PCP2: variants seen among roughly 807,000 people sequenced by gnomAD.
PCP2 encodes the protein Purkinje cell protein 2, also known as Purkinje cell protein 2 homolog.
A neutral mutation model predicts 18.3 loss-of-function variants in PCP2; 21 were observed. The observed-to-expected ratio is 1.14, with a 90% CI of 0.81 to 1.65. The LOEUF is 1.65. Ranked by LOEUF, PCP2 falls within the 40% of genes most tolerant of loss-of-function variation. The pLI, the probability that PCP2 is intolerant of heterozygous loss-of-function variation, is 0.00. For synonymous variants in PCP2, 85 were observed against 77.6 expected (o/e 1.10, Z -0.50); for missense variants, 202 against 201.8 (o/e 1.00, Z 0.00).
intron 1 of PCP2, 198 bp from the exon 2 acceptor site, chr19:7,633,028 C>A: frequency 7.0e-7 from 1 of 1,428,258 alleles, no homozygotes; most frequent in East Asian, 2.5e-5. Flanking sequence ...CGGCCCCCGC[C>A]CCAGGGGCCC....
chr19:7,633,301 G>A lies in PCP2; in HGVS notation c.51+106C>T, dbSNP rs1384898182. On this transcript the variant is annotated intron_variant, in intron 1 of 3. Coordinates refer to ENST00000311069, the MANE Select transcript of PCP2 (RefSeq NM_174895.3). ...TCTACAGCCACAACTGGGTCAGGGG[G>A]TCCTAGGAGACTCACTCGTTAATTA... The A allele has an allele frequency of 4.3e-6, 5 of 1,164,792 alleles. 1 individual carries two copies. The highest frequency in any genetic ancestry group is 2.9e-5 in the South Asian group (2 of 69,602). The allele number at this position is 1,164,792 out of a possible 1,614,324, so 72.2% of individuals were successfully genotyped here.
chr19:7,632,768 C>T lies in PCP2; in HGVS notation c.114G>A (p.Met38Ile). The change falls in exon 2 of 4, where the codon ATG becomes ATA. Residue 38 changes from methionine to isoleucine, a missense_variant. By Grantham distance (10) the Met-to-Ile change is conservative. Transcript: ENST00000311069. This position sits in a 1 kb window ranked among gnomAD's most constrained non-coding sequence, Gnocchi z 5.2. ...NLLSHVQGDR[M>I]EGQRCSLQAG... is the part of the protein sequence containing the mutation. ...CTTGCAGTGAACAGCGCTGTCCCTC[C>T]ATCCGGTCGCCCTGCACGTGGCTCA... The T allele has an allele frequency of 6.4e-7, 1 of 1,568,212 alleles. No individual in the cohort carries two copies. Among genetic ancestry groups the T allele is most frequent in the East Asian group, 2.4e-5 (1 of 42,412 alleles).
Position 7,633,527 on chromosome 19 carries a change from G to C in PCP2, c.-70C>G. The stretch of plus-strand genomic sequence containing the variant: ...CAGTGCCAGAGAGGGCCTTTTAAAC[G>C]TCCAGGACGTGGGGGTGTGGATTCC... On this transcript the variant is annotated 5_prime_UTR_variant, in exon 1 of 4. Transcript: ENST00000311069. 6.8e-7 allele frequency: 1 copy of C among 1,473,716 alleles called. No homozygotes were observed. The highest frequency in any genetic ancestry group is 9.3e-7 in the Non-Finnish European group (1 of 1,077,588). The allele number at this position is 1,473,716 out of a possible 1,614,324, so 91.3% of individuals were successfully genotyped here. A position where few individuals can be genotyped will look rare whatever the true frequency, so the allele number is the denominator to read the frequency against.
chr19:7,631,744 G>A lies in PCP2; in HGVS notation c.356C>T (p.Thr119Ile), dbSNP rs2054084204. 21 of 1,447,812 alleles carry A rather than the reference G, an allele frequency of 1.5e-5. No individual in the cohort carries two copies. Among genetic ancestry groups the A allele is most frequent in the Non-Finnish European group, 1.8e-5 (20 of 1,098,024 alleles). The allele number at this position is 1,447,812 out of a possible 1,614,324, so 89.7% of individuals were successfully genotyped here. The change falls in exon 4 of 4, where the codon ACC becomes ATC. Residue 119 changes from threonine to isoleucine, a missense_variant. Transcript: ENST00000311069. ...PQPLLTPQDP[T>I]ALGFRRNSSP... ...GCTGTTCCGACGGAAGCCGAGAGCG[G>A]TCGGGTCCTGAGGGGTGAGCAGGGG...
chr19:7,632,699 C>A lies in PCP2; in HGVS notation c.166+17G>T. 1 of 1,550,810 alleles carries A rather than the reference C, an allele frequency of 6.4e-7. No homozygotes were observed. Among genetic ancestry groups the A allele is most frequent in the Non-Finnish European group, 8.7e-7 (1 of 1,153,022 alleles). On this transcript the variant is annotated intron_variant, in intron 2 of 3. Coordinates refer to ENST00000311069, the MANE Select transcript of PCP2 (RefSeq NM_174895.3). This position sits in a 1 kb window ranked among gnomAD's most constrained non-coding sequence, Gnocchi z 5.2. ...CCGTTCACGCCCCATGGACAGCACC[C>A]CCGTGCCCATGCTCACGGCTCTTGG...
In PCP2 at chr19:7,632,784, A is replaced by G; in HGVS notation, c.98T>C (p.Val33Ala). 1 of 1,564,998 alleles carries G rather than the reference A, an allele frequency of 6.4e-7. No individual in the cohort carries two copies. The highest frequency in any genetic ancestry group is 8.6e-7 in the Non-Finnish European group (1 of 1,158,210). Residue 33 changes from valine (V) to alanine (A), a missense_variant, in exon 2 of 4, where the codon GTG becomes GCG. Transcript: ENST00000311069. This position sits in a 1 kb window ranked among gnomAD's most constrained non-coding sequence, Gnocchi z 5.2. Reference protein sequence around the residue: ...QEGFFNLLSHVQGDRMEGQRC... With the variant: ...QEGFFNLLSHAQGDRMEGQRC... ...CTGTCCCTCCATCCGGTCGCCCTGC[A>G]CGTGGCTCAGCAGATTGAAGAAGCC... is the stretch of plus-strand genomic sequence containing the variant.
chr19:7,634,277 C>G (rs1016570398), upstream of PCP2, among the ~76,000 whole-genome samples: 1 of 152,086 alleles, frequency 6.6e-6, no homozygotes, highest in African/African-American at 2.4e-5. Flanking sequence ...CAGGGGATAC[C>G]ACTGGGAGGT....
Position 7,631,826 on chromosome 19 carries a change from T to C in PCP2, c.292-18A>G, listed in dbSNP as rs374950746. 343 of 1,382,116 alleles carry C rather than the reference T, an allele frequency of 2.5e-4. No homozygotes were observed. The highest frequency in any genetic ancestry group is 3.0e-4 in the Non-Finnish European group (315 of 1,061,870). 85.6% of individuals were successfully genotyped at this position (1,382,116 alleles called of 1,614,324 possible). ...GCTCCGTCCTGTGGATGAAGAGGGGTCAGCCAGGGGGAGGGCTCAAGGGCA... is the reference window on the plus strand; with the variant it reads ...GCTCCGTCCTGTGGATGAAGAGGGGCCAGCCAGGGGGAGGGCTCAAGGGCA... On this transcript the variant is annotated intron_variant, in intron 3 of 3. Coordinates refer to ENST00000311069, the MANE Select transcript of PCP2 (RefSeq NM_174895.3).
rs879225915 is a variant in PCP2, at chr19:7,632,264, C to T, written c.291+129G>A. 6 of 1,408,802 alleles carry T rather than the reference C, an allele frequency of 4.3e-6. No individual in the cohort carries two copies. In the South Asian group the frequency reaches 7.8e-5, roughly 18 times the overall value. 87.3% of individuals were successfully genotyped at this position (1,408,802 alleles called of 1,614,324 possible). ...GCCACTGCCTGGGCCTTGGTCCTCC[C>T]ATCTGAAGTCAGGGCAGCGGATGGA... On this transcript the variant is annotated intron_variant, in intron 3 of 3. Coordinates refer to ENST00000311069, the MANE Select transcript of PCP2 (RefSeq NM_174895.3). This position sits in a 1 kb window ranked among gnomAD's most constrained non-coding sequence, Gnocchi z 5.2.
Position 7,632,954 on chromosome 19 carries a change from A to G in PCP2, c.52-124T>C, listed in dbSNP as rs908695016. ...CGTCCCCACTTCCTCAGCTCTCACC[A>G]TGGTCCCCGCCGATCCTCTCTGCAG... On this transcript the variant is annotated intron_variant, in intron 1 of 3. Coordinates refer to ENST00000311069, the MANE Select transcript of PCP2 (RefSeq NM_174895.3). The surrounding 1 kb of genome is among the most constrained non-coding windows in gnomAD (Gnocchi z 5.2). 8 of 1,475,278 alleles carry G rather than the reference A, an allele frequency of 5.4e-6. No homozygotes were observed. In the East Asian group the frequency reaches 7.4e-5, roughly 14 times the overall value. 91.4% of individuals were successfully genotyped at this position (1,475,278 alleles called of 1,614,324 possible). A position where few individuals can be genotyped will look rare whatever the true frequency, so the allele number is the denominator to read the frequency against.
In PCP2 at chr19:7,633,576, A is replaced by G; in HGVS notation, c.-119T>C. The G allele has an allele frequency of 1.1e-6, 1 of 933,524 alleles. No individual in the cohort carries two copies. The highest frequency in any genetic ancestry group is 1.7e-6 in the Non-Finnish European group (1 of 603,794). The allele number at this position is 933,524 out of a possible 1,614,324, so 57.8% of individuals were successfully genotyped here. Reference sequence around the variant, plus strand: ...CCCCCCATCCCCAAATCCCCAGCTCATGCCCCATCTGCTCCCACCCAAGCT... The same window carrying G: ...CCCCCCATCCCCAAATCCCCAGCTCGTGCCCCATCTGCTCCCACCCAAGCT... On this transcript the variant is annotated 5_prime_UTR_variant, in exon 1 of 4. The change abolishes an upstream ATG in the 5' untranslated region. Transcript: ENST00000311069.
Position 7,632,746 on chromosome 19 carries a change from G to T in PCP2, c.136C>A (p.Gln46Lys). ...DRMEGQRCSL[Q>K]AGPGQTTKSQ... ...TTGGTGGTCTGGCCCGGCCCGGCTTGCAGTGAACAGCGCTGTCCCTCCATC... is the reference window on the plus strand; with the variant it reads ...TTGGTGGTCTGGCCCGGCCCGGCTTTCAGTGAACAGCGCTGTCCCTCCATC... The change falls in exon 2 of 4, where the codon CAA becomes AAA. Residue 46 changes from glutamine to lysine, a missense_variant. Gln to Lys is a moderately conservative substitution (Grantham distance 53). Transcript: ENST00000311069. This position sits in a 1 kb window ranked among gnomAD's most constrained non-coding sequence, Gnocchi z 5.2. 6.4e-7 allele frequency: 1 copy of T among 1,565,422 alleles called. No homozygotes were observed.
chr19:7,633,587 G>T lies in PCP2; in HGVS notation c.-130C>A. On this transcript the variant is annotated 5_prime_UTR_variant, in exon 1 of 4. Transcript: ENST00000311069. Reference sequence around the variant, plus strand: ...CAAATCCCCAGCTCATGCCCCATCTGCTCCCACCCAAGCTTAAGCCCCATA... The same window carrying T: ...CAAATCCCCAGCTCATGCCCCATCTTCTCCCACCCAAGCTTAAGCCCCATA... The T allele has an allele frequency of 1.2e-6, 1 of 814,260 alleles. No homozygotes were observed. 50.4% of individuals were successfully genotyped at this position (814,260 alleles called of 1,614,324 possible).
chr19:7,635,683 G>A (rs1051652639), upstream of PCP2, among the ~76,000 whole-genome samples: 2 of 152,104 alleles, frequency 1.3e-5, no homozygotes, highest in African/African-American at 2.4e-5. Flanking sequence ...GCAACAGAGC[G>A]AGACCCGTCT....
chr19:7,634,497 T>C (rs994259971), upstream of PCP2, among the ~76,000 whole-genome samples: 1 of 152,200 alleles, frequency 6.6e-6, no homozygotes, highest in Non-Finnish European at 1.5e-5. Context: ...GAACAAAGTG[T>C]CATAGACCAG....
At chr19:7,633,094 G>A in intron 1 of PCP2, 1 of 1,161,272 alleles carries the variant, frequency 8.6e-7, no homozygotes, top group Non-Finnish European at 1.2e-6. Context: ...TCCGATGCGT[G>A]TCCCGCCGTC....
In PCP2 at chr19:7,632,688, T is replaced by G. The variant is rs567036760; in HGVS notation, c.166+28A>C. The G allele has an allele frequency of 1.0e-4, 160 of 1,549,816 alleles. No individual in the cohort carries two copies. In the South Asian group the frequency reaches 1.8e-3, roughly 17 times the overall value. On this transcript the variant is annotated intron_variant, in intron 2 of 3. Transcript: ENST00000311069. This position sits in a 1 kb window ranked among gnomAD's most constrained non-coding sequence, Gnocchi z 5.2. ...GCACTCCCACCCCGTTCACGCCCCA[T>G]GGACAGCACCCCCGTGCCCATGCTC...
rs779376158 is a variant in PCP2 at position 7,633,435 on chromosome 19, G to T, written c.23C>A (p.Thr8Lys). Residue 8 changes from threonine to lysine, a missense_variant, in exon 1 of 4, where the codon ACG becomes AAG. Physicochemically the swap from Thr to Lys is moderately conservative, Grantham distance 78 (BLOSUM62 -1). Coordinates refer to ENST00000311069, the MANE Select transcript of PCP2 (RefSeq NM_174895.3). MMDQEEK[T>K]EEGSGPCAEA... is the part of the protein sequence containing the mutation. ...GGCACAGGGGCCTGAGCCTTCCTCC[G>T]TCTTCTCCTCCTGATCCATCATGTC... The T allele has an allele frequency of 1.3e-6, 2 of 1,577,046 alleles. No individual in the cohort carries two copies. The highest frequency in any genetic ancestry group is 1.3e-5 in the African/African-American group (1 of 74,344).
Position 7,632,458 on chromosome 19 carries a change from G to T in PCP2, c.226C>A (p.Arg76Ser). The stretch of plus-strand genomic sequence containing the variant: ...GTCACACGTTGGTCATCCATGCGGC[G>T]GCCCTGGGTACTGGCCAGCATGTCC... ...LMDMLASTQGRRMDDQRVTVS... is the reference protein window; with the variant it reads ...LMDMLASTQGSRMDDQRVTVS... The change falls in exon 3 of 4, where the codon CGC becomes AGC. Residue 76 changes from arginine to serine, a missense_variant. By Grantham distance (110) the Arg-to-Ser change is moderately radical. Coordinates refer to ENST00000311069, the MANE Select transcript of PCP2 (RefSeq NM_174895.3). This position sits in a 1 kb window ranked among gnomAD's most constrained non-coding sequence, Gnocchi z 5.2. 6.2e-7 allele frequency: 1 copy of T among 1,613,896 alleles called. No individual in the cohort carries two copies. Among genetic ancestry groups the T allele is most frequent in the Non-Finnish European group, 8.5e-7 (1 of 1,179,954 alleles).
Sources: gnomAD v4.1 joint callset for allele counts (sites outside exome capture counted in the v4.1 genomes callset) on GRCh38, gnomAD v4.1.1 for gene constraint, Gnocchi (gnomAD v3.1) non-coding constraint, MANE v1.5 for transcripts, NCBI Gene and HGNC (gene_info 2026-07-23, HGNC 2026-07-21) for gene names.